FGGY: variants seen among roughly 807,000 people sequenced by gnomAD.
The protein encoded by FGGY is FGGY carbohydrate kinase domain-containing protein.
FGGY carries 72 observed loss-of-function variants against 71.3 expected under a neutral mutation model. The ratio of observed to expected loss-of-function variants is 1.01; its 90% CI spans 0.84 to 1.23. The LOEUF (loss-of-function observed/expected upper bound fraction) is 1.23. Ranked by LOEUF, FGGY falls within the 50% of genes most tolerant of loss-of-function variation. The pLI is 0.00. For missense variants in FGGY, 668 were observed against 682.3 expected, an observed-to-expected ratio of 0.98 and a Z score of 0.23; for synonymous variants, 251 against 250.3, an observed-to-expected ratio of 1.00 and a Z score of -0.02.
chr1:59,394,243 T>G (rs1383713361), intron 5 of FGGY, among the ~76,000 whole-genome samples: 1 of 152,218 alleles, frequency 6.6e-6, no homozygotes, highest in Non-Finnish European at 1.5e-5. Context: ...AAGGTATTTG[T>G]TTTTAAACTT....
chr1:59,534,162 G>A (rs1011604367), intron 7 of FGGY, among the ~76,000 whole-genome samples: 1 of 152,064 alleles, frequency 6.6e-6, no homozygotes, highest in Non-Finnish European at 1.5e-5. Flanking sequence ...GAAAACCAAG[G>A]CTCGAGAACT....
chr1:59,615,378 T>G (rs1467329591), intron 9 of FGGY, among the ~76,000 whole-genome samples: 2 of 151,782 alleles, frequency 1.3e-5, no homozygotes, highest in African/African-American at 4.8e-5. Context: ...TTGACAAATC[T>G]GACAAAAGCA....
chr1:59,408,224 C>A (rs569003764), intron 5 of FGGY, among the ~76,000 whole-genome samples: 3 of 152,182 alleles, frequency 2.0e-5, no homozygotes, highest in Non-Finnish European at 4.4e-5. Flanking sequence ...GCATAAATAG[C>A]AGATAGCACA....
chr1:59,590,739 CG>C (rs1558466983), intron 8 of FGGY, among the ~76,000 whole-genome samples: 8 of 152,282 alleles, frequency 5.3e-5, no homozygotes, highest in African/African-American at 1.4e-4. Context: ...AATTCAACAA[CG>C]CCTTATGCTA....
chr1:59,702,563 G>A (rs934659584), intron 14 of FGGY, among the ~76,000 whole-genome samples: 3 of 152,150 alleles, frequency 2.0e-5, no homozygotes, highest in African/African-American at 7.2e-5. Context: ...AAGTTAAAAT[G>A]TCAAGGGTGT....
At position 59,418,720 on chromosome 1, in the gene FGGY, T is replaced by TG. The variant is rs1553191373; in HGVS notation, c.555-38241_555-38240insG. On this transcript the variant is annotated intron_variant, in intron 5 of 15. Coordinates refer to ENST00000303721, the MANE Select transcript of FGGY (RefSeq NM_018291.5). ...GGCAGTTTTTTGATTTTTTCTTTTT[T>TG]TGTGTGTGTGTGTGTGACTCAGTTC... 1.2e-3 allele frequency among the ~76,000 whole-genome samples: 189 copies of TG among 151,716 alleles called. 3 individuals are homozygous for TG. Among genetic ancestry groups the TG allele is most frequent in the African/African-American group, 3.6e-3 (149 of 41,398 alleles).
intron 14 of FGGY, among the ~76,000 whole-genome samples, chr1:59,679,448 G>A (rs1000498243): frequency 6.6e-6 from 1 of 151,666 alleles, no homozygotes; most frequent in African/African-American, 2.4e-5. Context: ...TCAGAAGTAT[G>A]AAACCATCCC....
rs769701982 is a variant in FGGY at position 59,456,998 on chromosome 1, G to A, written c.592G>A (p.Ala198Thr). 4 of 1,613,966 alleles carry A rather than the reference G, an allele frequency of 2.5e-6. No individual in the cohort carries two copies. Among genetic ancestry groups the A allele is most frequent in the South Asian group, 1.1e-5 (1 of 91,090 alleles). The change falls in exon 6 of 16, where the codon GCA becomes ACA. Residue 198 changes from alanine (A) to threonine (T), a missense_variant. Ala to Thr is a moderately conservative substitution (Grantham distance 58). Coordinates refer to ENST00000303721, the MANE Select transcript of FGGY (RefSeq NM_018291.5). ...CSLVCKWTYS[A>T]EKGWDDSFWK... is the part of the protein sequence containing the mutation. ...CCTGGTGTGTAAGTGGACATATTCA[G>A]CAGAGAAAGGCTGGGACGACAGTTT...
At chr1:59,524,735 A>C (rs1479701842) in intron 7 of FGGY, among the ~76,000 whole-genome samples, 1 of 152,038 alleles carries the variant, frequency 6.6e-6, no homozygotes, top group Non-Finnish European at 1.5e-5. Flanking sequence ...CCTGCAGAAA[A>C]GAGCTACCCA....
chr1:59,377,323 A>G (rs1213997479), intron 4 of FGGY, among the ~76,000 whole-genome samples: 1 of 152,238 alleles, frequency 6.6e-6, no homozygotes, highest in Non-Finnish European at 1.5e-5. Context: ...ATTGACTCAC[A>G]GTTCAGCATG....
intron 6 of FGGY, among the ~76,000 whole-genome samples, chr1:59,482,443 A>G (rs1452100109): frequency 3.3e-5 from 5 of 152,256 alleles, no homozygotes; most frequent in African/African-American, 1.2e-4. Flanking sequence ...TGCCGCAGCA[A>G]AAATGACCAC....
chr1:59,357,958 A>G (rs566540189), intron 4 of FGGY, among the ~76,000 whole-genome samples: 2 of 152,268 alleles, frequency 1.3e-5, no homozygotes, highest in East Asian at 3.9e-4. Context: ...TTATGTACAC[A>G]TGGTATGATT....
chr1:59,549,298 A>C (rs1030322517), intron 7 of FGGY, among the ~76,000 whole-genome samples: 15 of 152,220 alleles, frequency 9.9e-5, no homozygotes, highest in African/African-American at 3.4e-4. Context: ...CATCCAAATG[A>C]CTGAATCAAG....
rs1227049212 is a variant in FGGY at position 59,713,433 on chromosome 1, G to A, written c.1512+39300G>A. Among the ~76,000 whole-genome samples, 6 of 152,166 alleles carry A rather than the reference G, an allele frequency of 3.9e-5. No homozygotes were observed. The East Asian group carries it at 7.7e-4, about 20-fold the overall frequency. On this transcript the variant is annotated intron_variant, in intron 14 of 15. Coordinates refer to ENST00000303721, the MANE Select transcript of FGGY (RefSeq NM_018291.5). The stretch of plus-strand genomic sequence containing the variant: ...CACCAATTTAATGGGTGACACACTC[G>A]TGCAGCTGGTCCCCACTGCAGGTCC...
chr1:59,449,914 C>G (rs2072288042), intron 5 of FGGY, among the ~76,000 whole-genome samples: 1 of 152,174 alleles, frequency 6.6e-6, no homozygotes, highest in African/African-American at 2.4e-5. Context: ...AGGCTGCAGT[C>G]AGTCCTCATC....
At chr1:59,673,374 A>G (rs1021766510) in intron 13 of FGGY, among the ~76,000 whole-genome samples, 5 of 151,952 alleles carry the variant, frequency 3.3e-5, no homozygotes, top group Non-Finnish European at 5.9e-5. Flanking sequence ...AGCATGGGTA[A>G]GGGCCCCGAG....
chr1:59,613,668 A>C (rs866847747), intron 9 of FGGY, among the ~76,000 whole-genome samples: 51 of 152,220 alleles, frequency 3.4e-4, no homozygotes, highest in African/African-American at 1.2e-3. Context: ...TGAAGGAAAT[A>C]GAGACACAAA....
At chr1:59,727,160 A>C (rs1222055739) in intron 14 of FGGY, among the ~76,000 whole-genome samples, 1 of 152,100 alleles carries the variant, frequency 6.6e-6, no homozygotes. Flanking sequence ...TTCTGTTCCT[A>C]CATTAATTTG....
At chr1:59,615,862 A>C (rs2096747081) in intron 9 of FGGY, among the ~76,000 whole-genome samples, 1 of 152,208 alleles carries the variant, frequency 6.6e-6, no homozygotes, top group African/African-American at 2.4e-5. Flanking sequence ...TTCTCAAATG[A>C]AGACATTTAT....
Sources: allele counts gnomAD v4.1 joint callset (sites outside exome capture counted in the v4.1 genomes callset), GRCh38; gene constraint gnomAD v4.1.1; transcripts MANE v1.5; gene names NCBI Gene and HGNC (gene_info 2026-07-23, HGNC 2026-07-21).